Variants in RNF115 observed in about 807,000 individuals in gnomAD.
RNF115 encodes the protein ring finger protein 115, also known as E3 ubiquitin-protein ligase RNF115.
In RNF115, 31 loss-of-function variants were observed where a neutral mutation model predicts 39.2. That is an observed-to-expected ratio of 0.79 (90% CI 0.59 to 1.07). The LOEUF is 1.07. Among genes scored for constraint, RNF115 ranks in the 50% least tolerant of loss-of-function variants. The probability of loss-of-function intolerance (pLI) is 0.00; values close to 1 mark genes in which losing one functional copy is unlikely to be tolerated. For missense variants in RNF115, 384 were observed against 381.7 expected, an observed-to-expected ratio of 1.01 and a Z score of -0.05; for synonymous variants, 124 against 131.0, an observed-to-expected ratio of 0.95 and a Z score of 0.37.
chr1:145,787,074 T>A, intron 2 of RNF115: 1 of 1,263,358 alleles, frequency 7.9e-7, no homozygotes, highest in Non-Finnish European at 1.0e-6. Flanking sequence ...CTGCCAACAG[T>A]AACAGTAAAG....
intron 4 of RNF115, among the ~76,000 whole-genome samples, chr1:145,762,824 T>C (rs901797903): frequency 1.2e-4 from 19 of 152,124 alleles, no homozygotes; most frequent in Non-Finnish European, 2.2e-4. Flanking sequence ...ATTCTTTACA[T>C]AGCCATAAAA....
intron 2 of RNF115, among the ~76,000 whole-genome samples, chr1:145,788,519 C>CA (rs1489488460): frequency 1.3e-5 from 2 of 152,202 alleles, no homozygotes; most frequent in Admixed American, 1.3e-4. Context: ...AGAGGTATAA[C>CA]AGCAGTTTAC....
At chr1:145,765,605 TAACA>T (rs1443879464) in intron 4 of RNF115, among the ~76,000 whole-genome samples, 17 of 151,410 alleles carry the variant, frequency 1.1e-4, no homozygotes, top group African/African-American at 1.2e-4. Context: ...AAGAGTATGC[TAACA>T]AACAAATGAG....
intron 3 of RNF115, among the ~76,000 whole-genome samples, chr1:145,775,856 G>A (rs1553716476): frequency 6.6e-6 from 1 of 151,762 alleles, no homozygotes; most frequent in Non-Finnish European, 1.5e-5. Context: ...AAATTAGCCG[G>A]GCATGGTGGC....
At chr1:145,799,040 A>AAC (rs1410914490) in intron 1 of RNF115, among the ~76,000 whole-genome samples, 8 of 151,212 alleles carry the variant, frequency 5.3e-5, no homozygotes, top group Admixed American at 1.3e-4. Flanking sequence ...TATTAGTTAT[A>AAC]ACAGGGTTTT....
chr1:145,806,354 A>C, intron 1 of RNF115, among the ~76,000 whole-genome samples: 1 of 152,290 alleles, frequency 6.6e-6, no homozygotes, highest in Middle Eastern at 3.4e-3. Context: ...TCTCAAAAAA[A>C]TAAAATAGAT....
At chr1:145,789,320 C>G (rs909606665) in intron 1 of RNF115, among the ~76,000 whole-genome samples, 19 of 152,166 alleles carry the variant, frequency 1.2e-4, no homozygotes, top group Admixed American at 6.5e-5. Flanking sequence ...AAGCTGATCT[C>G]AAACTCCTGA....
intron 2 of RNF115, among the ~76,000 whole-genome samples, chr1:145,788,503 C>T (rs781833746): frequency 1.8e-4 from 27 of 152,148 alleles, no homozygotes; most frequent in Non-Finnish European, 3.1e-4. Context: ...CTCCCTAACC[C>T]GCCAAAGAGG....
intron 1 of RNF115, among the ~76,000 whole-genome samples, chr1:145,794,502 CTTTTTTTTTT>C (rs57242475): frequency 6.2e-5 from 5 of 81,100 alleles, no homozygotes; most frequent in South Asian, 4.9e-4. Context: ...TAATCTCTTT[CTTTTTTTTTT>C]TTTTTTTTTT....
At position 145,820,191 on chromosome 1, in the gene RNF115, G is replaced by A. The variant is rs1428029917; in HGVS notation, c.102+3581C>T. ...ACAAATACCACATATCAGGCCAGCC[G>A]CAATAGCTCATGCCTGTAACCCCAG... On this transcript the variant is annotated intron_variant, in intron 1 of 8. Transcript: ENST00000582693. Among the ~76,000 whole-genome samples the A allele has an allele frequency of 5.9e-4, 89 of 150,016 alleles. No homozygotes were observed. The Middle Eastern group carries it at 0.014, about 23-fold the overall frequency.
chr1:145,776,564 C>T (rs1235627739), intron 3 of RNF115, among the ~76,000 whole-genome samples: 4 of 152,052 alleles, frequency 2.6e-5, no homozygotes, highest in Non-Finnish European at 5.9e-5. Context: ...CTCAGCCAGG[C>T]ACAGTGGCTC....
In RNF115 at chr1:145,750,484, T is replaced by C; in HGVS notation, c.590A>G (p.Glu197Gly). ...GTCAGCTGGGGGAGGGCCTGTGTTT[T>C]CCAGTTGTCCTAAAAGCTACAAAAA... ...AIVTQLLGQL[E>G]NTGPPPADKE... The change falls in exon 7 of 9, where the codon GAA (glutamate) becomes GGA (glycine). Residue 197 changes from glutamate (E) to glycine (G), a missense_variant. By Grantham distance (98) the Glu-to-Gly change is moderately conservative (BLOSUM62 -2). Transcript: ENST00000582693. The C allele has an allele frequency of 6.2e-7, 1 of 1,613,858 alleles. No individual in the cohort carries two copies. Among genetic ancestry groups the C allele is most frequent in the Non-Finnish European group, 8.5e-7 (1 of 1,179,802 alleles).
At chr1:145,811,901 AAAAAAAAAT>A (rs1441359124) in intron 1 of RNF115, among the ~76,000 whole-genome samples, 1,092 of 98,100 alleles carry the variant, frequency 0.011, 2 homozygotes, top group African/African-American at 0.036. Flanking sequence ...AAAAAAAAAA[AAAAAAAAAT>A]ATATATATAT....
At chr1:145,754,365 T>C (rs1398155483) in intron 4 of RNF115, among the ~76,000 whole-genome samples, 1 of 150,700 alleles carries the variant, frequency 6.6e-6, no homozygotes, top group Non-Finnish European at 1.5e-5. Flanking sequence ...TTTTTTTTTC[T>C]TTTTTTGAGA....
At chr1:145,812,912 T>C (rs1258543014) in intron 1 of RNF115, among the ~76,000 whole-genome samples, 1 of 146,680 alleles carries the variant, frequency 6.8e-6, no homozygotes, top group Non-Finnish European at 1.5e-5. Flanking sequence ...TTAGCCACCA[T>C]ACCTGTCCTA....
chr1:145,751,342 A>T, intron 6 of RNF115, 96 bp downstream of exon 6: 1 of 815,148 alleles, frequency 1.2e-6, no homozygotes, highest in East Asian at 2.7e-5. Flanking sequence ...GAGAAAGCAG[A>T]GTGACTGCCA....
At chr1:145,766,634 C>A (rs587759375) in intron 4 of RNF115, among the ~76,000 whole-genome samples, 281 of 149,064 alleles carry the variant, frequency 1.9e-3, no homozygotes, top group Admixed American at 3.3e-3. Flanking sequence ...CTGACCCCCC[C>A]ACCTCCCTCC....
At chr1:145,768,900 GCC>G (rs1647510386) in intron 4 of RNF115, among the ~76,000 whole-genome samples, 1 of 152,182 alleles carries the variant, frequency 6.6e-6, no homozygotes, top group East Asian at 1.9e-4. Flanking sequence ...ATAGTAATAG[GCC>G]CCAAAGATAT....
chr1:145,788,851 G>C (rs951230998), intron 2 of RNF115, 57 bp downstream of exon 2: 1 of 1,231,586 alleles, frequency 8.1e-7, no homozygotes, highest in African/African-American at 1.5e-5. Context: ...AGTCCATGCT[G>C]AGAGAAAATA....
Sources: allele counts gnomAD v4.1 joint callset (sites outside exome capture counted in the v4.1 genomes callset), GRCh38; gene constraint gnomAD v4.1.1; transcripts MANE v1.5; gene names NCBI Gene and HGNC (gene_info 2026-07-23, HGNC 2026-07-21).